The following MATN2 variants were observed in gnomAD, a reference collection of about 807,000 sequenced individuals.
The protein encoded by MATN2 is matrilin-2.
Under a neutral mutation model 103.2 loss-of-function variants are expected in MATN2, and 69 were observed. That is an observed-to-expected ratio of 0.67 (90% CI 0.55 to 0.82). The LOEUF is 0.82. Among genes scored for constraint, MATN2 ranks in the 40% least tolerant of loss-of-function variants. The pLI is 0.00. For synonymous variants in MATN2, 429 were observed against 450.2 expected (o/e 0.95, Z 0.60); for missense variants, 1,023 against 1,211.5 (o/e 0.84, Z 2.31).
At chr8:97,928,288 G>A (rs1810060312) in intron 2 of MATN2, among the ~76,000 whole-genome samples, 2 of 137,344 alleles carry the variant, frequency 1.5e-5, no homozygotes, top group South Asian at 2.4e-4. Context: ...GTGCAGTGGC[G>A]CCATCTCAGC....
intron 10 of MATN2, among the ~76,000 whole-genome samples, chr8:98,015,532 T>G (rs1049842726): frequency 1.3e-5 from 2 of 152,138 alleles, no homozygotes; most frequent in Admixed American, 1.3e-4. Flanking sequence ...TTGCAAATGC[T>G]GTTCTTTCTT....
At chr8:97,981,179 T>C (rs1812007165) in intron 6 of MATN2, among the ~76,000 whole-genome samples, 1 of 137,186 alleles carries the variant, frequency 7.3e-6, no homozygotes, top group South Asian at 2.2e-4. Flanking sequence ...AGTAAGACCT[T>C]GTCTTAAAAA....
chr8:97,970,697 C>A (rs1434240389), intron 5 of MATN2, among the ~76,000 whole-genome samples: 1 of 152,138 alleles, frequency 6.6e-6, no homozygotes, highest in Non-Finnish European at 1.5e-5. Context: ...CATGTAATCC[C>A]AGCACTTTGA....
chr8:98,035,656 C>A lies in MATN2; in HGVS notation c.2816-1C>A. 1 of 1,560,458 alleles carries A rather than the reference C, an allele frequency of 6.4e-7. No homozygotes were observed. Among genetic ancestry groups the A allele is most frequent in the Non-Finnish European group, 8.8e-7 (1 of 1,140,070 alleles). ...TTCATCTTCCTTAATTTGAGATTTA[C>A]TAGAAGAAATGACACAGAGAATGGA... On this transcript the variant is annotated splice_acceptor_variant, in intron 18 of 18. Coordinates refer to ENST00000254898, the MANE Select transcript of MATN2 (RefSeq NM_002380.5). LOFTEE classifies it high-confidence loss of function.
At chr8:98,035,044 C>A (rs947549922) in intron 18 of MATN2, among the ~76,000 whole-genome samples, 1 of 151,570 alleles carries the variant, frequency 6.6e-6, no homozygotes, top group Non-Finnish European at 1.5e-5. Context: ...CATACTGAGG[C>A]CTTGTCTCTT....
intron 2 of MATN2, among the ~76,000 whole-genome samples, chr8:97,923,817 A>G (rs1000470928): frequency 6.6e-6 from 1 of 152,178 alleles, no homozygotes; most frequent in Non-Finnish European, 1.5e-5. Flanking sequence ...TTGGCCTCCC[A>G]AAGTGCGGGG....
chr8:97,945,632 T>C (rs1302565833), intron 4 of MATN2, among the ~76,000 whole-genome samples: 2 of 150,398 alleles, frequency 1.3e-5, no homozygotes, highest in Admixed American at 1.3e-4. Context: ...TGTGGTACTG[T>C]CATCACACAA....
chr8:97,958,454 C>T (rs966827589), intron 4 of MATN2, among the ~76,000 whole-genome samples: 2 of 152,212 alleles, frequency 1.3e-5, no homozygotes, highest in African/African-American at 2.4e-5. Flanking sequence ...GTACATCCAT[C>T]GCTCTATAAA....
chr8:97,977,080 A>C (rs182941917), intron 5 of MATN2, among the ~76,000 whole-genome samples: 1 of 151,970 alleles, frequency 6.6e-6, no homozygotes, highest in Admixed American at 6.6e-5. Flanking sequence ...TACTAAAAAT[A>C]TAAAAATTAG....
At chr8:97,911,985 C>G (rs1157744665) in intron 2 of MATN2, among the ~76,000 whole-genome samples, 1 of 152,126 alleles carries the variant, frequency 6.6e-6, no homozygotes, top group African/African-American at 2.4e-5. Context: ...AATTATTGTC[C>G]CCATCTTGCG....
rs1468949574 is a variant in MATN2 at position 98,007,386 on chromosome 8, G to A, written c.1451-93G>A. On this transcript the variant is annotated intron_variant, in intron 9 of 18. Coordinates refer to ENST00000254898, the MANE Select transcript of MATN2 (RefSeq NM_002380.5). This position sits in a 1 kb window ranked among gnomAD's most constrained non-coding sequence, Gnocchi z 4.2. The stretch of plus-strand genomic sequence containing the variant: ...GTCCACTGGGACTGCATGCCTTCGA[G>A]GGAGGGCGGGGTGAGCATGACGGTC... 1.3e-6 allele frequency: 2 copies of A among 1,561,534 alleles called. No homozygotes were observed. The highest frequency in any genetic ancestry group is 1.7e-5 in the Admixed American group (1 of 57,730).
At chr8:97,900,992 C>G (rs1818962297) in intron 2 of MATN2, among the ~76,000 whole-genome samples, 1 of 152,044 alleles carries the variant, frequency 6.6e-6, no homozygotes. Flanking sequence ...TGCATTAGGC[C>G]CAGTGAAAGA....
intron 8 of MATN2, among the ~76,000 whole-genome samples, chr8:98,006,119 T>A (rs549090802): frequency 2.9e-4 from 44 of 152,226 alleles, no homozygotes; most frequent in Non-Finnish European, 2.5e-4. Flanking sequence ...AGCTGTGTGT[T>A]CATTAGCCTT....
intron 2 of MATN2, among the ~76,000 whole-genome samples, chr8:97,909,709 T>C (rs1425917490): frequency 4.0e-5 from 6 of 151,858 alleles, no homozygotes; most frequent in Admixed American, 3.9e-4. Flanking sequence ...AGGGGGCCTT[T>C]AGTGGGGCCA....
Position 97,931,035 on chromosome 8 carries a change from G to A in MATN2, c.225G>A (p.Lys75=). Residue 75 remains lysine (K), a synonymous_variant, in exon 3 of 19, where the codon AAG becomes AAA. Transcript: ENST00000254898. The surrounding 1 kb of genome is among the most constrained non-coding windows in gnomAD (Gnocchi z 4.1). ...SRSVNTHDYA[K]VKEFIVDILQ... The stretch of plus-strand genomic sequence containing the variant: ...GTGTCAACACCCATGACTATGCAAA[G>A]GTCAAGGAGTTCATCGTGGACATCT... 2.5e-6 allele frequency: 4 copies of A among 1,613,994 alleles called. No individual in the cohort carries two copies. The highest frequency in any genetic ancestry group is 3.4e-6 in the Non-Finnish European group (4 of 1,179,868).
chr8:97,942,777 T>C (rs1810611704), intron 4 of MATN2, among the ~76,000 whole-genome samples: 1 of 152,226 alleles, frequency 6.6e-6, no homozygotes, highest in Non-Finnish European at 1.5e-5. Flanking sequence ...TAAGCATTAA[T>C]GGAAAGCAGT....
At chr8:97,963,007 C>A (rs1275598715) in intron 5 of MATN2, among the ~76,000 whole-genome samples, 12 of 152,140 alleles carry the variant, frequency 7.9e-5, no homozygotes, top group Admixed American at 7.9e-4. Flanking sequence ...TGGTAGTGTG[C>A]CCCTGTATTT....
intron 2 of MATN2, among the ~76,000 whole-genome samples, chr8:97,902,637 A>G (rs902261100): frequency 6.6e-6 from 1 of 152,080 alleles, no homozygotes; most frequent in African/African-American, 2.4e-5. Flanking sequence ...TGTTGCCGGG[A>G]GAGGAGTCGC....
At chr8:97,870,908 T>C (rs1269156595) in intron 1 of MATN2, among the ~76,000 whole-genome samples, 1 of 152,240 alleles carries the variant, frequency 6.6e-6, no homozygotes, top group African/African-American at 2.4e-5. Flanking sequence ...ACCTTGCATT[T>C]TCCTATCTGT....
Sources: allele counts gnomAD v4.1 joint callset (sites outside exome capture counted in the v4.1 genomes callset), GRCh38; gene constraint gnomAD v4.1.1; non-coding constraint Gnocchi (gnomAD v3.1); transcripts MANE v1.5; gene names NCBI Gene and HGNC (gene_info 2026-07-23, HGNC 2026-07-21).